TTC7B: variants seen among roughly 807,000 people sequenced by gnomAD.
The protein encoded by TTC7B is tetratricopeptide repeat domain 7B.
TTC7B carries 28 observed loss-of-function variants against 106.8 expected under a neutral mutation model. The ratio of observed to expected loss-of-function variants is 0.26; its 90% CI spans 0.19 to 0.36. TTC7B has a LOEUF of 0.36. Ranked by LOEUF, TTC7B falls within the 10% of genes least tolerant of loss-of-function variation. TTC7B has a pLI of 1.00. For synonymous variants in TTC7B, 405 were observed against 430.6 expected, an observed-to-expected ratio of 0.94 and a Z score of 0.74; for missense variants, 862 against 1,076.4, an observed-to-expected ratio of 0.80 and a Z score of 2.79.
chr14:90,812,834 A>G (rs1314000237), intron 1 of TTC7B, among the ~76,000 whole-genome samples: 1 of 152,198 alleles, frequency 6.6e-6, no homozygotes, highest in Admixed American at 6.5e-5. Context: ...TTGGCAAAAC[A>G]TCTAAACCAA....
Position 90,578,172 on chromosome 14 carries a change from C to T in TTC7B, c.2244G>A (p.Glu748=). The change falls in exon 19 of 20, where the codon GAG becomes GAA. Residue 748 remains glutamate (E), a synonymous_variant. Transcript: ENST00000328459. This position sits in a 1 kb window ranked among gnomAD's most constrained non-coding sequence, Gnocchi z 4.7. ...AGGCCTCTTCATACCACCGCCGCGC[C>T]TCGTCCATGCTTCCCCGGAGCTCAG... ...QIAELRGSMD[E]ARRWYEEALA... 1 of 1,613,828 alleles carries T rather than the reference C, an allele frequency of 6.2e-7. No individual in the cohort carries two copies. Among genetic ancestry groups the T allele is most frequent in the Non-Finnish European group, 8.5e-7 (1 of 1,179,922 alleles).
At chr14:90,796,659 T>A in intron 1 of TTC7B, among the ~76,000 whole-genome samples, 1 of 152,166 alleles carries the variant, frequency 6.6e-6, no homozygotes, top group East Asian at 1.9e-4. Flanking sequence ...TGGGAGTACT[T>A]GACACCAACA....
chr14:90,706,132 C>T (rs949524242), intron 5 of TTC7B, among the ~76,000 whole-genome samples: 3 of 151,870 alleles, frequency 2.0e-5, no homozygotes, highest in African/African-American at 7.3e-5. Context: ...CTAATTCTCC[C>T]ACTGCATTTT....
intron 5 of TTC7B, among the ~76,000 whole-genome samples, chr14:90,696,180 G>C (rs142034102): frequency 2.0e-5 from 3 of 152,146 alleles, no homozygotes; most frequent in African/African-American, 7.2e-5. Flanking sequence ...ACTGGAACCC[G>C]AGCTCCCTGA....
intron 4 of TTC7B, among the ~76,000 whole-genome samples, chr14:90,733,122 G>A (rs1215448627): frequency 6.6e-6 from 1 of 151,938 alleles, no homozygotes; most frequent in Non-Finnish European, 1.5e-5. Flanking sequence ...AACTTTCAAG[G>A]CCAATCATAA....
At chr14:90,618,590 C>T (rs949093391) in intron 15 of TTC7B, among the ~76,000 whole-genome samples, 6 of 152,210 alleles carry the variant, frequency 3.9e-5, no homozygotes, top group Non-Finnish European at 8.8e-5. Flanking sequence ...GCCTAGGGCT[C>T]GTTCCGCAAT....
rs539836967 is a variant in TTC7B, at chr14:90,784,057, C to T, written c.276+2117G>A. Reference sequence around the variant, plus strand: ...AATTTTTCAAGATGAAGTTGGGGGGCGGGTAGACGGGGGAAAGAAACAAGC... The same window carrying T: ...AATTTTTCAAGATGAAGTTGGGGGGTGGGTAGACGGGGGAAAGAAACAAGC... On this transcript the variant is annotated intron_variant, in intron 2 of 19. Transcript: ENST00000328459. 7.3e-5 allele frequency among the ~76,000 whole-genome samples: 11 copies of T among 151,672 alleles called. No homozygotes were observed. The South Asian group carries it at 1.3e-3, about 17-fold the overall frequency.
chr14:90,541,411 C>T lies in TTC7B; in HGVS notation c.2489G>A (p.Ser830Asn), dbSNP rs1889579608. Residue 830 changes from serine to asparagine, a missense_variant, in exon 20 of 20, where the codon AGC becomes AAC. Ser to Asn is a conservative substitution (Grantham distance 46, BLOSUM62 1). Transcript: ENST00000328459. The stretch of plus-strand genomic sequence containing the variant: ...GATGGTGAAGGGCACGGCGGGGCTG[C>T]TGGCCTCCAGCTCCAAGGCTGTCAG... Reference protein sequence around the residue: ...CFLTALELEASSPAVPFTIIP... With the variant: ...CFLTALELEANSPAVPFTIIP... 1 of 1,610,978 alleles carries T rather than the reference C, an allele frequency of 6.2e-7. No individual in the cohort carries two copies. The highest frequency in any genetic ancestry group is 2.2e-5 in the East Asian group (1 of 44,750).
intron 5 of TTC7B, among the ~76,000 whole-genome samples, chr14:90,703,676 T>C (rs947502827): frequency 6.6e-6 from 1 of 152,208 alleles, no homozygotes; most frequent in African/African-American, 2.4e-5. Context: ...GAAGACAGAC[T>C]GTGGGACGAC....
chr14:90,747,298 C>T (rs1043546322), intron 3 of TTC7B, among the ~76,000 whole-genome samples: 1 of 152,218 alleles, frequency 6.6e-6, no homozygotes, highest in Non-Finnish European at 1.5e-5. Context: ...TAGGACTCGA[C>T]TGGGAGAAGA....
At chr14:90,701,024 G>C (rs902666358) in intron 5 of TTC7B, among the ~76,000 whole-genome samples, 6 of 151,948 alleles carry the variant, frequency 3.9e-5, no homozygotes, top group Admixed American at 3.9e-4. Context: ...CCAATGACAC[G>C]CATTTGTGAA....
intron 15 of TTC7B, among the ~76,000 whole-genome samples, chr14:90,633,446 G>C (rs1422065431): frequency 6.6e-6 from 1 of 152,214 alleles, no homozygotes; most frequent in Non-Finnish European, 1.5e-5. Context: ...TGCTGAATGA[G>C]AATGCAACCT....
At chr14:90,732,695 A>T (rs371718663) in intron 4 of TTC7B, among the ~76,000 whole-genome samples, 26 of 152,058 alleles carry the variant, frequency 1.7e-4, no homozygotes, top group Middle Eastern at 3.4e-3. Flanking sequence ...AATTTTTCAT[A>T]ATCCAGTCTG....
chr14:90,605,719 GT>G (rs1241683870), intron 17 of TTC7B: 21 of 1,286,220 alleles, frequency 1.6e-5, no homozygotes, highest in Non-Finnish European at 2.0e-5. Flanking sequence ...AGGAGATTCG[GT>G]TCTTGAAAGA....
chr14:90,667,984 A>C (rs1184981599), intron 9 of TTC7B, among the ~76,000 whole-genome samples: 1 of 152,182 alleles, frequency 6.6e-6, no homozygotes, highest in South Asian at 2.1e-4. Flanking sequence ...ACACATATGC[A>C]TAGTGGCCTG....
chr14:90,659,051 T>C (rs1357209247), intron 9 of TTC7B, among the ~76,000 whole-genome samples: 1 of 151,842 alleles, frequency 6.6e-6, no homozygotes, highest in Non-Finnish European at 1.5e-5. Context: ...GGTCCAGGGG[T>C]TTCAGAATCA....
At position 90,536,939 on chromosome 14, in the gene TTC7B, G is replaced by T; in HGVS notation, c.*4429C>A. The T allele has an allele frequency of 6.5e-6, 1 of 152,700 alleles. No individual in the cohort carries two copies. 9.5% of individuals were successfully genotyped at this position (152,700 alleles called of 1,614,324 possible). On this transcript the variant is annotated 3_prime_UTR_variant, in exon 20 of 20. Coordinates refer to ENST00000328459, the MANE Select transcript of TTC7B (RefSeq NM_001010854.2). ...CCCAGAGCAACCAGCAGAGTCCTTA[G>T]AGGGAGGCAGGAGGTCAAAGGCAGA... is the stretch of plus-strand genomic sequence containing the variant.
intron 13 of TTC7B, among the ~76,000 whole-genome samples, chr14:90,649,777 A>G (rs1294137857): frequency 1.3e-5 from 2 of 149,428 alleles, no homozygotes; most frequent in Admixed American, 1.3e-4. Context: ...CCATCCAACC[A>G]TCCACCTACC....
intron 19 of TTC7B, among the ~76,000 whole-genome samples, chr14:90,555,038 G>C (rs142007465): frequency 1.7e-3 from 256 of 152,316 alleles, no homozygotes; most frequent in African/African-American, 5.9e-3. Flanking sequence ...CAAGTACCTG[G>C]TTCAGTTACC....
Sources: allele counts gnomAD v4.1 joint callset (sites outside exome capture counted in the v4.1 genomes callset), GRCh38; gene constraint gnomAD v4.1.1; non-coding constraint Gnocchi (gnomAD v3.1); transcripts MANE v1.5; gene names NCBI Gene and HGNC (gene_info 2026-07-23, HGNC 2026-07-21).